CNTNAP5: variants seen among roughly 807,000 people sequenced by gnomAD.
CNTNAP5 encodes the protein contactin-associated protein-like 5.
Under a neutral mutation model 150.2 loss-of-function variants are expected in CNTNAP5, and 72 were observed. The observed-to-expected ratio is 0.48, with a 90% CI of 0.40 to 0.58. The LOEUF (loss-of-function observed/expected upper bound fraction) is 0.58. CNTNAP5 is among the 20% of genes least tolerant of loss of function. The pLI, the probability that CNTNAP5 is intolerant of heterozygous loss-of-function variation, is 0.00. For synonymous variants in CNTNAP5, 672 were observed against 619.8 expected, an observed-to-expected ratio of 1.08 and a Z score of -1.25; for missense variants, 1,636 against 1,626.2, an observed-to-expected ratio of 1.01 and a Z score of -0.10.
At chr2:124,871,192 G>C (rs973934643) in intron 21 of CNTNAP5, among the ~76,000 whole-genome samples, 7 of 151,346 alleles carry the variant, frequency 4.6e-5, no homozygotes, top group African/African-American at 1.7e-4. Context: ...CTTCTGCCAG[G>C]CTTTATTTCC....
intron 3 of CNTNAP5, among the ~76,000 whole-genome samples, chr2:124,242,653 TC>T (rs1367051651): frequency 2.0e-5 from 3 of 152,164 alleles, no homozygotes; most frequent in Admixed American, 6.6e-5. Context: ...AGCCTCACTT[TC>T]TTCATCTATA....
At chr2:124,474,409 G>A (rs1235984424) in intron 6 of CNTNAP5, among the ~76,000 whole-genome samples, 1 of 151,930 alleles carries the variant, frequency 6.6e-6, no homozygotes, top group East Asian at 1.9e-4. Context: ...CTTTTAAGAT[G>A]CTTGGATAAG....
At chr2:124,771,026 C>G (rs550465805) in intron 16 of CNTNAP5, among the ~76,000 whole-genome samples, 2 of 152,142 alleles carry the variant, frequency 1.3e-5, no homozygotes, top group East Asian at 3.9e-4. Flanking sequence ...TCCTTTAGGC[C>G]AGGGCTCGGT....
rs571812382 is a variant in CNTNAP5 at position 124,584,921 on chromosome 2, A to G, written c.1756+21598A>G. Among the ~76,000 whole-genome samples, 10 of 152,354 alleles carry G rather than the reference A, an allele frequency of 6.6e-5. No individual in the cohort carries two copies. The South Asian group carries it at 2.1e-3, about 32-fold the overall frequency. Reference sequence around the variant, plus strand: ...AGTCAAGAACAAACATCAGATTTACAGATAGAGCCCTTACTAATGGGGGTG... The same window carrying G: ...AGTCAAGAACAAACATCAGATTTACGGATAGAGCCCTTACTAATGGGGGTG... On this transcript the variant is annotated intron_variant, in intron 11 of 23. Coordinates refer to ENST00000682447, the MANE Select transcript of CNTNAP5 (RefSeq NM_001367498.1).
intron 1 of CNTNAP5, among the ~76,000 whole-genome samples, chr2:124,123,627 G>A (rs1034919382): frequency 2.0e-4 from 31 of 152,156 alleles, no homozygotes; most frequent in Non-Finnish European, 4.1e-4. Context: ...CCTGACCCCC[G>A]AGTAGCCTAA....
chr2:124,440,345 CT>C (rs201247734), intron 5 of CNTNAP5, among the ~76,000 whole-genome samples: 11 of 151,464 alleles, frequency 7.3e-5, no homozygotes, highest in South Asian at 4.2e-4. Context: ...TCAAGAATGA[CT>C]TTTTTTTTGT....
intron 6 of CNTNAP5, among the ~76,000 whole-genome samples, chr2:124,459,403 C>G (rs994748131): frequency 6.6e-6 from 1 of 152,098 alleles, no homozygotes; most frequent in South Asian, 2.1e-4. Context: ...GTTCTCTGCC[C>G]TCTCCTCTCA....
chr2:124,160,545 G>A (rs1365075157), intron 1 of CNTNAP5, among the ~76,000 whole-genome samples: 2 of 150,408 alleles, frequency 1.3e-5, no homozygotes, highest in East Asian at 3.9e-4. Context: ...TTAAAGTTAA[G>A]AGCAATAGAC....
At chr2:124,388,838 G>T (rs1234268652) in intron 3 of CNTNAP5, among the ~76,000 whole-genome samples, 1 of 152,020 alleles carries the variant, frequency 6.6e-6, no homozygotes, top group Admixed American at 6.5e-5. Flanking sequence ...CCATTGTCAT[G>T]CCCGGCTAAT....
chr2:124,114,659 G>C (rs1683382390), intron 1 of CNTNAP5, among the ~76,000 whole-genome samples: 2 of 151,614 alleles, frequency 1.3e-5, no homozygotes. Flanking sequence ...ATGCTCAGTA[G>C]AAGTAAGAAT....
At chr2:124,043,935 C>A (rs1201314642) in intron 1 of CNTNAP5, among the ~76,000 whole-genome samples, 1 of 152,134 alleles carries the variant, frequency 6.6e-6, no homozygotes, top group Admixed American at 6.5e-5. Flanking sequence ...CACATCTTAC[C>A]TTTATCTGCC....
At chr2:124,045,900 G>C (rs759475182) in intron 1 of CNTNAP5, among the ~76,000 whole-genome samples, 1 of 152,170 alleles carries the variant, frequency 6.6e-6, no homozygotes, top group Non-Finnish European at 1.5e-5. Flanking sequence ...CTTTGTTTAA[G>C]AGGTGTTGTG....
At chr2:124,479,874 C>A (rs1317855538) in intron 7 of CNTNAP5, among the ~76,000 whole-genome samples, 1 of 152,080 alleles carries the variant, frequency 6.6e-6, no homozygotes, top group African/African-American at 2.4e-5. Flanking sequence ...TACCCTCATA[C>A]ATAAAATGAG....
rs140855630 is a variant in CNTNAP5 at position 124,509,172 on chromosome 2, G to A, written c.1327+4616G>A. ...AACCCTGTTCCCCGAGCTTTGTACA[G>A]TGTGCTTGGCTTTTTAGGAAGGAAG... On this transcript the variant is annotated intron_variant, in intron 8 of 23. Coordinates refer to ENST00000682447, the MANE Select transcript of CNTNAP5 (RefSeq NM_001367498.1). Among the ~76,000 whole-genome samples the A allele has an allele frequency of 1.3e-3, 203 of 152,304 alleles. 1 individual carries two copies. The highest frequency in any genetic ancestry group is 3.4e-3 in the Middle Eastern group (1 of 294).
chr2:124,904,260 T>C (rs543482107), intron 22 of CNTNAP5, among the ~76,000 whole-genome samples: 28 of 152,262 alleles, frequency 1.8e-4, no homozygotes, highest in Non-Finnish European at 3.4e-4. Context: ...TTATTTCAAA[T>C]TGGCATAATG....
At chr2:124,099,653 T>C (rs1366221726) in intron 1 of CNTNAP5, among the ~76,000 whole-genome samples, 2 of 152,178 alleles carry the variant, frequency 1.3e-5, no homozygotes, top group African/African-American at 2.4e-5. Flanking sequence ...AGAGGTTTGA[T>C]TGGCTCACAG....
At chr2:124,160,758 A>G (rs1199370932) in intron 1 of CNTNAP5, among the ~76,000 whole-genome samples, 5 of 152,128 alleles carry the variant, frequency 3.3e-5, no homozygotes, top group Admixed American at 3.3e-4. Flanking sequence ...GCACAAGCAA[A>G]CCCTGTGTTA....
At chr2:124,569,472 T>C (rs1287738501) in intron 11 of CNTNAP5, among the ~76,000 whole-genome samples, 1 of 152,204 alleles carries the variant, frequency 6.6e-6, no homozygotes, top group Non-Finnish European at 1.5e-5. Context: ...CACAGAATTT[T>C]CTTTTTTCAT....
chr2:124,838,481 T>A (rs1682875877), intron 19 of CNTNAP5, among the ~76,000 whole-genome samples: 1 of 152,158 alleles, frequency 6.6e-6, no homozygotes, highest in Non-Finnish European at 1.5e-5. Flanking sequence ...AGGGGTGTCT[T>A]ATGAAAGAAC....
Sources: gnomAD v4.1 joint callset for allele counts (sites outside exome capture counted in the v4.1 genomes callset) on GRCh38, gnomAD v4.1.1 for gene constraint, MANE v1.5 for transcripts, NCBI Gene and HGNC (gene_info 2026-07-23, HGNC 2026-07-21) for gene names.